The following MBNL1 variants were observed in gnomAD, a reference collection of about 807,000 sequenced individuals.
The protein encoded by MBNL1 is muscleblind like splicing regulator 1, also known as muscleblind-like protein 1.
A neutral mutation model predicts 42.2 loss-of-function variants in MBNL1; 8 were observed. The observed-to-expected ratio is 0.19, with a 90% CI of 0.11 to 0.34. MBNL1 has a LOEUF of 0.34. Ranked by LOEUF, MBNL1 falls within the 10% of genes least tolerant of loss-of-function variation. The pLI is 1.00. For synonymous variants in MBNL1, 169 were observed against 173.9 expected (o/e 0.97, Z 0.22); for missense variants, 309 against 495.3 (o/e 0.62, Z 3.57).
chr3:152,311,974 A>C (rs2066816587), intron 2 of MBNL1, among the ~76,000 whole-genome samples: 1 of 151,946 alleles, frequency 6.6e-6, no homozygotes, highest in South Asian at 2.1e-4. Context: ...GCGGATCACG[A>C]GGTCAGGAGA....
chr3:152,323,864 C>T (rs1049682557), intron 2 of MBNL1, among the ~76,000 whole-genome samples: 3 of 152,160 alleles, frequency 2.0e-5, no homozygotes, highest in Non-Finnish European at 4.4e-5. Flanking sequence ...CAGCTATTGA[C>T]TATAGTTAGT....
At chr3:152,278,071 A>G (rs557991765) in intron 1 of MBNL1, among the ~76,000 whole-genome samples, 50 of 152,256 alleles carry the variant, frequency 3.3e-4, no homozygotes, top group South Asian at 6.2e-4. Flanking sequence ...GTGAAAATCT[A>G]TTTAGCTATG....
chr3:152,302,405 C>A (rs1194394528), intron 2 of MBNL1: 1 of 151,924 alleles, frequency 6.6e-6, no homozygotes, highest in Non-Finnish European at 1.5e-5. Context: ...AGGACAGTAG[C>A]TTCTTAAATG....
chr3:152,255,722 A>G (rs2035351900), intron 2 of MBNL1, among the ~76,000 whole-genome samples: 1 of 152,182 alleles, frequency 6.6e-6, no homozygotes, highest in Admixed American at 6.5e-5. Context: ...AAAATCCAGC[A>G]TAGTAAAAGG....
At chr3:152,392,320 A>G (rs2097758396) in intron 2 of MBNL1, among the ~76,000 whole-genome samples, 1 of 152,190 alleles carries the variant, frequency 6.6e-6, no homozygotes, top group African/African-American at 2.4e-5. Context: ...TTCAGAGCTC[A>G]TTTCTGAGAC....
intron 8 of MBNL1, chr3:152,458,037 GC>G: frequency 1.1e-6 from 1 of 944,496 alleles, no homozygotes; most frequent in South Asian, 1.3e-5. Flanking sequence ...AATAGCTGAT[GC>G]CACAAAATGC....
At chr3:152,251,189 CTT>C (rs1446558486) in intron 2 of MBNL1, among the ~76,000 whole-genome samples, 1 of 152,058 alleles carries the variant, frequency 6.6e-6, no homozygotes, top group East Asian at 1.9e-4. Flanking sequence ...CAAATAATGT[CTT>C]TTTAAATATT....
At chr3:152,431,729 A>C (rs1282680051) in intron 3 of MBNL1, among the ~76,000 whole-genome samples, 1 of 152,242 alleles carries the variant, frequency 6.6e-6, no homozygotes, top group South Asian at 2.1e-4. Flanking sequence ...GAAGCATTAA[A>C]CTTCAAGAAT....
At chr3:152,425,352 G>A (rs1044709156) in intron 3 of MBNL1, among the ~76,000 whole-genome samples, 2 of 152,058 alleles carry the variant, frequency 1.3e-5, no homozygotes, top group African/African-American at 4.8e-5. Flanking sequence ...GTCCGGGTGT[G>A]GTGGCTCACG....
chr3:152,335,306 A>ATGAC, intron 2 of MBNL1: 7 of 1,252,322 alleles, frequency 5.6e-6, no homozygotes, highest in Non-Finnish European at 7.3e-6. Context: ...AAGGCCTGAG[A>ATGAC]TGACATCCAT....
intron 1 of MBNL1, among the ~76,000 whole-genome samples, chr3:152,298,507 A>C (rs1483324108): frequency 6.6e-6 from 1 of 152,210 alleles, no homozygotes; most frequent in Non-Finnish European, 1.5e-5. Context: ...TCTGCGATGG[A>C]ATCACTTTCT....
intron 2 of MBNL1, among the ~76,000 whole-genome samples, chr3:152,366,283 G>A (rs1171074749): frequency 6.6e-6 from 1 of 152,064 alleles, no homozygotes; most frequent in Non-Finnish European, 1.5e-5. Context: ...GATGTTAAAG[G>A]CCAAATATCT....
chr3:152,280,951 T>A (rs1052328655), intron 1 of MBNL1, among the ~76,000 whole-genome samples: 1 of 152,142 alleles, frequency 6.6e-6, no homozygotes, highest in African/African-American at 2.4e-5. Context: ...TTAATTGAAA[T>A]TTTTAAGACA....
At chr3:152,309,667 A>G (rs1237781454) in intron 2 of MBNL1, among the ~76,000 whole-genome samples, 1 of 152,210 alleles carries the variant, frequency 6.6e-6, no homozygotes, top group Non-Finnish European at 1.5e-5. Context: ...AAAAATACAG[A>G]CATAATCAGT....
At chr3:152,439,543 G>A (rs1224349965) in intron 4 of MBNL1, among the ~76,000 whole-genome samples, 1 of 152,098 alleles carries the variant, frequency 6.6e-6, no homozygotes, top group East Asian at 1.9e-4. Context: ...TCACATAGAG[G>A]TTTATGTAGG....
At chr3:152,403,365 T>A (rs2098311991) in intron 2 of MBNL1, among the ~76,000 whole-genome samples, 1 of 152,184 alleles carries the variant, frequency 6.6e-6, no homozygotes, top group Admixed American at 6.5e-5. Context: ...TATCTATGCT[T>A]AACGTGATGG....
At chr3:152,255,892 C>T (rs2035380535) in intron 2 of MBNL1, among the ~76,000 whole-genome samples, 1 of 152,106 alleles carries the variant, frequency 6.6e-6, no homozygotes, top group Non-Finnish European at 1.5e-5. Context: ...TTGACCAGCG[C>T]AAGGGCCAGA....
At chr3:152,261,696 T>C (rs1367539167) in intron 2 of MBNL1, among the ~76,000 whole-genome samples, 1 of 152,118 alleles carries the variant, frequency 6.6e-6, no homozygotes, top group Non-Finnish European at 1.5e-5. Context: ...AAACCTGACA[T>C]GTAGTAAGCT....
intron 5 of MBNL1, chr3:152,446,828 A>C (rs537287975): frequency 2.4e-6 from 3 of 1,272,772 alleles, no homozygotes; most frequent in Non-Finnish European, 3.3e-6. Flanking sequence ...TTTTAAATCA[A>C]CTTTAAAATA....
Sources: allele counts gnomAD v4.1 joint callset (sites outside exome capture counted in the v4.1 genomes callset), GRCh38; gene constraint gnomAD v4.1.1; transcripts MANE v1.5; gene names NCBI Gene and HGNC (gene_info 2026-07-23, HGNC 2026-07-21).